The following ITGA9 variants were observed in gnomAD, a reference collection of about 807,000 sequenced individuals.
ITGA9 encodes the protein integrin alpha-9.
ITGA9 carries 56 observed loss-of-function variants against 127.8 expected under a neutral mutation model. The observed-to-expected ratio is 0.44, with a 90% CI of 0.35 to 0.55. The LOEUF is 0.55. Among genes scored for constraint, ITGA9 ranks in the 20% least tolerant of loss-of-function variants. The probability of loss-of-function intolerance (pLI) is 0.00; values close to 1 mark genes in which losing one functional copy is unlikely to be tolerated. For synonymous variants in ITGA9, 508 were observed against 514.5 expected (o/e 0.99, Z 0.17); for missense variants, 1,196 against 1,347.1 (o/e 0.89, Z 1.76).
intron 18 of ITGA9, among the ~76,000 whole-genome samples, chr3:37,726,511 C>T (rs926138423): frequency 1.3e-5 from 2 of 152,192 alleles, no homozygotes; most frequent in South Asian, 4.1e-4. Context: ...GGAAGGAGCC[C>T]GAAGGCCAAA....
At chr3:37,748,396 A>G (rs1575219464) in intron 22 of ITGA9, 1 of 601,360 alleles carries the variant, frequency 1.7e-6, no homozygotes, top group East Asian at 3.5e-5. Context: ...TATTGAGCAC[A>G]TTAAGCACTC....
At chr3:37,664,133 G>A (rs1014518619) in intron 17 of ITGA9, among the ~76,000 whole-genome samples, 3 of 152,144 alleles carry the variant, frequency 2.0e-5, no homozygotes, top group Non-Finnish European at 4.4e-5. Flanking sequence ...CTCTCCTCCT[G>A]TACATTGGCT....
intron 13 of ITGA9, among the ~76,000 whole-genome samples, chr3:37,532,077 A>G (rs1489421073): frequency 6.6e-6 from 1 of 152,228 alleles, no homozygotes; most frequent in Non-Finnish European, 1.5e-5. Flanking sequence ...CTAGTATCCT[A>G]TAAGGATGAA....
At chr3:37,726,673 G>A (rs956018974) in intron 18 of ITGA9, among the ~76,000 whole-genome samples, 2 of 152,208 alleles carry the variant, frequency 1.3e-5, no homozygotes. Context: ...CATCTCTTGT[G>A]CCAGGCAGAC....
At chr3:37,655,081 C>G (rs748421307) in intron 17 of ITGA9, among the ~76,000 whole-genome samples, 13 of 152,166 alleles carry the variant, frequency 8.5e-5, no homozygotes, top group East Asian at 1.9e-4. Context: ...TTTTCTTTAT[C>G]CAGTCTATCA....
At chr3:37,493,289 A>G (rs1698691370) in intron 4 of ITGA9, among the ~76,000 whole-genome samples, 1 of 152,192 alleles carries the variant, frequency 6.6e-6, no homozygotes, top group Non-Finnish European at 1.5e-5. Context: ...CTGTGTTGCA[A>G]TCATAGTTTC....
intron 15 of ITGA9, among the ~76,000 whole-genome samples, chr3:37,592,538 C>T (rs1007623044): frequency 4.6e-5 from 7 of 152,158 alleles, no homozygotes; most frequent in East Asian, 1.9e-4. Flanking sequence ...TGGCCACAGC[C>T]GGCCTCAGAG....
chr3:37,593,263 A>G (rs187208955), intron 15 of ITGA9, among the ~76,000 whole-genome samples: 9 of 152,326 alleles, frequency 5.9e-5, no homozygotes, highest in South Asian at 2.1e-4. Flanking sequence ...AACAATGTCA[A>G]TGCTATGTAA....
intron 15 of ITGA9, among the ~76,000 whole-genome samples, chr3:37,626,532 AAGTT>A (rs1233151255): frequency 6.6e-6 from 1 of 152,172 alleles, no homozygotes; most frequent in African/African-American, 2.4e-5. Context: ...AAAAGAATGA[AAGTT>A]AGCTAGGCAT....
chr3:37,777,340 C>A, intron 23 of ITGA9, 52 bp from the exon 24 acceptor site: 1 of 1,608,314 alleles, frequency 6.2e-7, no homozygotes, highest in South Asian at 1.1e-5. Context: ...GCTCCAGCAT[C>A]ATGATTCATT....
chr3:37,788,329 A>G (rs1338077582), intron 26 of ITGA9, among the ~76,000 whole-genome samples: 1 of 152,166 alleles, frequency 6.6e-6, no homozygotes, highest in African/African-American at 2.4e-5. Flanking sequence ...CTACTAGGAT[A>G]TGAAAAACTT....
At chr3:37,479,234 A>AT (rs1429782626) in intron 3 of ITGA9, among the ~76,000 whole-genome samples, 1 of 152,230 alleles carries the variant, frequency 6.6e-6, no homozygotes. Flanking sequence ...TTAGTGATAT[A>AT]TTTTTTATAG....
intron 13 of ITGA9, among the ~76,000 whole-genome samples, chr3:37,527,682 T>C (rs1699107120): frequency 6.6e-6 from 1 of 152,246 alleles, no homozygotes; most frequent in Non-Finnish European, 1.5e-5. Context: ...TGATGTCATC[T>C]TTGCTCTCTT....
rs1700047644 is a variant in ITGA9 at position 37,613,815 on chromosome 3, G to C, written c.1690-15372G>C. 2.0e-5 allele frequency among the ~76,000 whole-genome samples: 3 copies of C among 152,160 alleles called. 1 individual carries two copies. The South Asian group carries it at 6.2e-4, about 32-fold the overall frequency. ...TGCCCACTTGTTGATGGGGTTGTTT[G>C]TTTTCTTCTTGTAAATTTGTTTGAG... On this transcript the variant is annotated intron_variant, in intron 15 of 27. Coordinates refer to ENST00000264741, the MANE Select transcript of ITGA9 (RefSeq NM_002207.3).
At chr3:37,545,514 A>C (rs1301946879) in intron 15 of ITGA9, among the ~76,000 whole-genome samples, 1 of 152,026 alleles carries the variant, frequency 6.6e-6, no homozygotes, top group Non-Finnish European at 1.5e-5. Flanking sequence ...ACCGTATTGG[A>C]GGGCACCTCC....
At chr3:37,730,453 A>C (rs757992459) in intron 18 of ITGA9, among the ~76,000 whole-genome samples, 11 of 152,206 alleles carry the variant, frequency 7.2e-5, no homozygotes, top group Non-Finnish European at 1.2e-4. Flanking sequence ...TTGAGACAGC[A>C]TTTGAGAAAT....
intron 18 of ITGA9, among the ~76,000 whole-genome samples, chr3:37,717,523 A>G (rs1302029708): frequency 6.6e-6 from 1 of 152,220 alleles, no homozygotes; most frequent in Non-Finnish European, 1.5e-5. Context: ...CAGGAAACTT[A>G]CAATCACGGC....
In ITGA9 at chr3:37,646,105, A is replaced by G. The variant is rs145310075; in HGVS notation, c.1840-7609A>G. Among the ~76,000 whole-genome samples, 22 of 152,358 alleles carry G rather than the reference A, an allele frequency of 1.4e-4. No homozygotes were observed. In the East Asian group the frequency reaches 2.7e-3, roughly 19 times the overall value. ...TTTTTTCCTGGCCTGAAGGAAATGA[A>G]GAAACATAGCCAAATATTCTAAAAC... On this transcript the variant is annotated intron_variant, in intron 16 of 27. Coordinates refer to ENST00000264741, the MANE Select transcript of ITGA9 (RefSeq NM_002207.3).
At chr3:37,637,605 G>A (rs1700292904) in intron 16 of ITGA9, among the ~76,000 whole-genome samples, 1 of 151,998 alleles carries the variant, frequency 6.6e-6, no homozygotes, top group Non-Finnish European at 1.5e-5. Flanking sequence ...AAAATTCTTG[G>A]GCCCACCCCA....
Sources: gnomAD v4.1 joint callset for allele counts (sites outside exome capture counted in the v4.1 genomes callset) on GRCh38, gnomAD v4.1.1 for gene constraint, MANE v1.5 for transcripts, NCBI Gene and HGNC (gene_info 2026-07-23, HGNC 2026-07-21) for gene names.